The following WNT3 variants were observed in gnomAD, a reference collection of about 807,000 sequenced individuals.
The protein encoded by WNT3 is Wnt family member 3.
Under a neutral mutation model 34.2 loss-of-function variants are expected in WNT3, and 7 were observed. The ratio of observed to expected loss-of-function variants is 0.20; its 90% CI spans 0.12 to 0.38. The LOEUF is 0.38. WNT3 is among the 10% of genes least tolerant of loss of function. WNT3 has a pLI of 1.00. For synonymous variants in WNT3, 212 were observed against 211.5 expected, an observed-to-expected ratio of 1.00 and a Z score of -0.02; for missense variants, 267 against 499.8, an observed-to-expected ratio of 0.53 and a Z score of 4.44.
At chr17:46,809,466 C>T (rs1288823455) in intron 1 of WNT3, among the ~76,000 whole-genome samples, 3 of 152,200 alleles carry the variant, frequency 2.0e-5, no homozygotes, top group Non-Finnish European at 4.4e-5. Context: ...CTCCCATCCC[C>T]CTCCCCAACA....
chr17:46,769,574 T>G (rs1259817111), intron 3 of WNT3, among the ~76,000 whole-genome samples: 1 of 150,992 alleles, frequency 6.6e-6, no homozygotes, highest in Non-Finnish European at 1.5e-5. Context: ...TCATCCCGGG[T>G]GGGGTGGAGT....
At chr17:46,814,315 T>C (rs1015299615) in intron 1 of WNT3, among the ~76,000 whole-genome samples, 3 of 152,240 alleles carry the variant, frequency 2.0e-5, no homozygotes, top group African/African-American at 7.2e-5. Context: ...GCTCAGGCTC[T>C]TGGTATTATT....
At chr17:46,778,172 C>A (rs2059427965) in intron 1 of WNT3, among the ~76,000 whole-genome samples, 1 of 152,192 alleles carries the variant, frequency 6.6e-6, no homozygotes, top group African/African-American at 2.4e-5. Flanking sequence ...TCACCAACCT[C>A]ATTTCTCCCA....
chr17:46,773,698 G>A lies in WNT3; in HGVS notation c.292C>T (p.Leu98=). 5.7e-6 allele frequency: 9 copies of A among 1,589,338 alleles called. No individual in the cohort carries two copies. Among genetic ancestry groups the A allele is most frequent in the African/African-American group, 1.4e-5 (1 of 71,846 alleles). Residue 98 remains leucine (L), a synonymous_variant, in exon 2 of 5, where the codon CTG becomes TTG. Transcript: ENST00000225512. ...TCGAGGACGGGCCCAAAGATGGCCA[G>A]GCTGTCATCTATGGTGGTGCAGTTC... ...RWNCTTIDDS[L]AIFGPVLDKA... is the part of the protein sequence containing the mutation.
At position 46,769,329 on chromosome 17, in the gene WNT3, A is replaced by G. The variant is rs1312434415; in HGVS notation, c.588+454T>C. Among the ~76,000 whole-genome samples, 4 of 151,976 alleles carry G rather than the reference A, an allele frequency of 2.6e-5. No individual in the cohort carries two copies. The South Asian group carries it at 6.2e-4, about 24-fold the overall frequency. On this transcript the variant is annotated intron_variant, in intron 3 of 4. Transcript: ENST00000225512. ...AGACTCCGTCTCAAAAAAAAAAAAA[A>G]AAAGAAAAGAAAAAGAAAAAAGAAA...
Position 46,768,477 on chromosome 17 carries a change from G to A in WNT3, c.911C>T (p.Ser304Phe), listed in dbSNP as rs1376092571. ...GTRDRTCNVT[S>F]HGIDGCDLLC... The stretch of plus-strand genomic sequence containing the variant: ...CAGATCGCAGCCATCGATGCCGTGG[G>A]AGGTGACATTGCAAGTCCGGTCCCT... The change falls in exon 4 of 5, where the codon TCC becomes TTC. Residue 304 changes from serine to phenylalanine, a missense_variant. Physicochemically the swap from Ser to Phe is radical, Grantham distance 155 (BLOSUM62 -2). Transcript: ENST00000225512. This position sits in a 1 kb window ranked among gnomAD's most constrained non-coding sequence, Gnocchi z 5.0. 2 of 1,614,064 alleles carry A rather than the reference G, an allele frequency of 1.2e-6. No homozygotes were observed. Among genetic ancestry groups the A allele is most frequent in the African/African-American group, 1.3e-5 (1 of 74,934 alleles).
intron 1 of WNT3, among the ~76,000 whole-genome samples, chr17:46,790,132 C>T (rs1446190161): frequency 6.6e-6 from 1 of 152,180 alleles, no homozygotes; most frequent in Non-Finnish European, 1.5e-5. Flanking sequence ...TTTTCCTCTG[C>T]ACCTCCTTCC....
intron 1 of WNT3, among the ~76,000 whole-genome samples, chr17:46,817,381 C>CACCG (rs1555689602): frequency 3.3e-5 from 5 of 152,092 alleles, no homozygotes; most frequent in African/African-American, 1.2e-4. Context: ...TCCCCCCGCC[C>CACCG]AGGCCAAGGC....
At position 46,769,844 on chromosome 17, in the gene WNT3, C is replaced by T; in HGVS notation, c.527G>A (p.Arg176His). The change falls in exon 3 of 5, where the codon CGC becomes CAC. Residue 176 changes from arginine to histidine, a missense_variant. By Grantham distance (29) the Arg-to-His change is conservative. Coordinates refer to ENST00000225512, the MANE Select transcript of WNT3 (RefSeq NM_030753.5). ...VLVSREFADA[R>H]ENRPDARSAM... is the part of the protein sequence containing the mutation. Reference sequence around the variant, plus strand: ...CGAGCGCGCGTCCGGCCTGTTCTCGCGCGCATCCGCGAACTCCCTGGACAC... The same window carrying T: ...CGAGCGCGCGTCCGGCCTGTTCTCGTGCGCATCCGCGAACTCCCTGGACAC... The T allele has an allele frequency of 6.2e-7, 1 of 1,613,400 alleles. No homozygotes were observed. Among genetic ancestry groups the T allele is most frequent in the Non-Finnish European group, 8.5e-7 (1 of 1,179,898 alleles).
chr17:46,798,316 G>C (rs2084080373), intron 1 of WNT3, among the ~76,000 whole-genome samples: 1 of 152,218 alleles, frequency 6.6e-6, no homozygotes, highest in African/African-American at 2.4e-5. Flanking sequence ...GGGCTGAGGA[G>C]GACCCACAGA....
chr17:46,807,703 G>A (rs2084215483), intron 1 of WNT3, among the ~76,000 whole-genome samples: 1 of 152,188 alleles, frequency 6.6e-6, no homozygotes, highest in African/African-American at 2.4e-5. Flanking sequence ...CCCAGGCCAG[G>A]TACAAAGACT....
chr17:46,800,794 T>C (rs1291099666), intron 1 of WNT3, among the ~76,000 whole-genome samples: 2 of 152,138 alleles, frequency 1.3e-5, no homozygotes, highest in Non-Finnish European at 2.9e-5. Context: ...ACAGGTGACT[T>C]ACAGTCTAGT....
chr17:46,769,758 G>C (rs1310547399), intron 3 of WNT3, 25 bp downstream of exon 3: 25 of 1,607,164 alleles, frequency 1.6e-5, no homozygotes, highest in Non-Finnish European at 2.0e-5. Flanking sequence ...TCCCTGAAGG[G>C]TTTGGGGAGG....
At chr17:46,816,323 A>C (rs2084345935) in intron 1 of WNT3, among the ~76,000 whole-genome samples, 1 of 152,070 alleles carries the variant, frequency 6.6e-6, no homozygotes, top group Non-Finnish European at 1.5e-5. Flanking sequence ...GTGCAGACAC[A>C]CACAGCACAA....
intron 2 of WNT3, among the ~76,000 whole-genome samples, chr17:46,771,080 T>C (rs1056041472): frequency 6.6e-5 from 10 of 152,100 alleles, no homozygotes; most frequent in African/African-American, 2.2e-4. Context: ...GTGGGCCGAG[T>C]GCTGCAAGAA....
chr17:46,770,779 C>T (rs2059358550), intron 2 of WNT3, among the ~76,000 whole-genome samples: 1 of 152,224 alleles, frequency 6.6e-6, no homozygotes, highest in African/African-American at 2.4e-5. Context: ...AAAGGAGAGA[C>T]TCTCAAGGGT....
At chr17:46,785,412 C>A (rs79060592) in intron 1 of WNT3, among the ~76,000 whole-genome samples, 1,617 of 152,278 alleles carry the variant, frequency 0.011, 39 homozygotes, top group African/African-American at 0.034. Flanking sequence ...GGCAGTGATC[C>A]ACGCCATAGG....
rs1352965505 is a variant in WNT3 at position 46,773,571 on chromosome 17, T to G, written c.322+97A>C. ...ATCACCCTCCCAGAGGGACCCTGGC[T>G]TCAGAGAAGAGGCACCCTGACTGGG... On this transcript the variant is annotated intron_variant, in intron 2 of 4. Transcript: ENST00000225512. The G allele has an allele frequency of 2.9e-6, 4 of 1,366,902 alleles. No homozygotes were observed. In the African/African-American group the frequency reaches 4.4e-5, roughly 15 times the overall value. 84.7% of individuals were successfully genotyped at this position (1,366,902 alleles called of 1,614,324 possible). A position where few individuals can be genotyped will look rare whatever the true frequency, so the allele number is the denominator to read the frequency against.
At chr17:46,814,104 G>C (rs2084309837) in intron 1 of WNT3, among the ~76,000 whole-genome samples, 1 of 152,202 alleles carries the variant, frequency 6.6e-6, no homozygotes, top group Admixed American at 6.5e-5. Context: ...ATTAATTGCA[G>C]GGCAGACATC....
Sources: allele counts gnomAD v4.1 joint callset (sites outside exome capture counted in the v4.1 genomes callset), GRCh38; gene constraint gnomAD v4.1.1; non-coding constraint Gnocchi (gnomAD v3.1); transcripts MANE v1.5; gene names NCBI Gene and HGNC (gene_info 2026-07-23, HGNC 2026-07-21).